The following COL21A1 variants were observed in gnomAD, a reference collection of about 807,000 sequenced individuals.
The protein encoded by COL21A1 is collagen type XXI alpha 1 chain, also known as collagen alpha-1(XXI) chain.
COL21A1 carries 149 observed loss-of-function variants against 137.9 expected under a neutral mutation model. The ratio of observed to expected loss-of-function variants is 1.08; its 90% confidence interval spans 0.95 to 1.24. The LOEUF (loss-of-function observed/expected upper bound fraction) is 1.24. COL21A1 is among the 50% of genes most tolerant of loss of function. The pLI is 0.00. For missense variants in COL21A1, 1,167 were observed against 1,158.4 expected (o/e 1.01, Z -0.11); for synonymous variants, 456 against 391.5 (o/e 1.16, Z -1.95).
intron 1 of COL21A1, among the ~76,000 whole-genome samples, chr6:56,219,176 C>T (rs1780667876): frequency 7.0e-6 from 1 of 142,736 alleles, no homozygotes; most frequent in South Asian, 2.2e-4. Flanking sequence ...TTGAGCCAAG[C>T]CCAGAAGCTC....
At chr6:56,152,945 C>T (rs1010001412) in intron 10 of COL21A1, among the ~76,000 whole-genome samples, 1 of 152,054 alleles carries the variant, frequency 6.6e-6, no homozygotes, top group Admixed American at 6.6e-5. Flanking sequence ...GCTAAGGAGG[C>T]TCACATTTAT....
intron 1 of COL21A1, among the ~76,000 whole-genome samples, chr6:56,271,619 A>G (rs2152332489): frequency 6.6e-6 from 1 of 152,360 alleles, no homozygotes; most frequent in South Asian, 2.1e-4. Flanking sequence ...TTAAGAGTCA[A>G]GAGAATGGGC....
chr6:56,226,733 T>C (rs1582686256), intron 1 of COL21A1, among the ~76,000 whole-genome samples: 2 of 152,118 alleles, frequency 1.3e-5, no homozygotes, highest in South Asian at 4.1e-4. Flanking sequence ...AGCACTGCAG[T>C]TTATATGAAA....
At chr6:56,167,678 A>G (rs922630838) in intron 6 of COL21A1, among the ~76,000 whole-genome samples, 1 of 152,202 alleles carries the variant, frequency 6.6e-6, no homozygotes, top group Non-Finnish European at 1.5e-5. Context: ...GTATAATTTG[A>G]ACATACCACA....
At chr6:56,096,004 G>A (rs967542567) in intron 17 of COL21A1, among the ~76,000 whole-genome samples, 10 of 151,796 alleles carry the variant, frequency 6.6e-5, no homozygotes, top group Admixed American at 1.3e-4. Context: ...CCACCACCAC[G>A]CCTGGCTGAT....
In COL21A1 at chr6:56,157,008, A is replaced by G; in HGVS notation, c.1372-59T>C. The G allele has an allele frequency of 3.3e-6, 4 of 1,200,086 alleles. 1 individual carries two copies. In the South Asian group the frequency reaches 5.3e-5, roughly 16 times the overall value. 74.3% of individuals were successfully genotyped at this position (1,200,086 alleles called of 1,614,324 possible). A position where few individuals can be genotyped will look rare whatever the true frequency, so the allele number is the denominator to read the frequency against. On this transcript the variant is annotated intron_variant, in intron 9 of 29. Transcript: ENST00000244728. The stretch of plus-strand genomic sequence containing the variant: ...AACAACCAGCCACATTGGTGCAGTC[A>G]GGATCAATAAAAGTTCAAAACCAAT...
intron 1 of COL21A1, among the ~76,000 whole-genome samples, chr6:56,338,477 T>G (rs2152344752): frequency 6.6e-6 from 1 of 152,216 alleles, no homozygotes; most frequent in East Asian, 1.9e-4. Flanking sequence ...ACCCTGGCCA[T>G]CTACCCCTCA....
At chr6:56,120,971 T>A (rs1344908818) in intron 16 of COL21A1, among the ~76,000 whole-genome samples, 1 of 152,080 alleles carries the variant, frequency 6.6e-6, no homozygotes, top group African/African-American at 2.4e-5. Flanking sequence ...TAAGTATCCA[T>A]CAACAGATGA....
intron 1 of COL21A1, among the ~76,000 whole-genome samples, chr6:56,209,136 G>A (rs62411866): frequency 0.073 from 11,061 of 151,668 alleles, 443 homozygotes; most frequent in Middle Eastern, 0.12. Flanking sequence ...AAGCCAAGAT[G>A]GATTAAAGAC....
intron 10 of COL21A1, among the ~76,000 whole-genome samples, chr6:56,147,363 T>G (rs915081971): frequency 2.0e-5 from 3 of 150,158 alleles, no homozygotes; most frequent in Admixed American, 6.7e-5. Context: ...GGTTGTTTTT[T>G]GCTTTTTTTT....
rs532083487 is a variant in COL21A1 at position 56,360,334 on chromosome 6, A to C, written c.-39+33637T>G. Among the ~76,000 whole-genome samples, 4 of 152,350 alleles carry C rather than the reference A, an allele frequency of 2.6e-5. No homozygotes were observed. In the East Asian group the frequency reaches 7.7e-4, roughly 29 times the overall value. On this transcript the variant is annotated intron_variant, in intron 1 of 28. Coordinates refer to the COL21A1 transcript ENST00000370819. The stretch of plus-strand genomic sequence containing the variant: ...ATTCAAAATTGCAAAGTCAGGGAGA[A>C]CAGATGCTAGACTCAGGGATGTGCA...
In COL21A1 at chr6:56,240,616, C is replaced by G. The variant is rs190416560; in HGVS notation, c.-39+6771G>C. On this transcript the variant is annotated intron_variant, in intron 1 of 29. Coordinates refer to ENST00000244728, the MANE Select transcript of COL21A1 (RefSeq NM_030820.4). ...ATATAGAGATGCTCTCAGATGCAAC[C>G]CTTTAGATGTTCCATGATGGCCTAT... Among the ~76,000 whole-genome samples, 4 of 152,180 alleles carry G rather than the reference C, an allele frequency of 2.6e-5. No individual in the cohort carries two copies. In the East Asian group the frequency reaches 7.7e-4, roughly 29 times the overall value.
In COL21A1 at chr6:56,060,169, A is replaced by G; in HGVS notation, c.2457T>C (p.His819=). Residue 819 remains histidine, a synonymous_variant, in exon 28 of 30, where the codon CAT becomes CAC. Transcript: ENST00000244728. Reference sequence around the variant, plus strand: ...CCGGGGAGCCATGTTGGGACAGGCAATGATCACAATTTCTAATTCTTCCAC... The same window carrying G: ...CCGGGGAGCCATGTTGGGACAGGCAGTGATCACAATTTCTAATTCTTCCAC... ...LQSGRIRNCD[H]CLSQHGSPGI... is the part of the protein sequence containing the mutation. 5.0e-6 allele frequency: 8 copies of G among 1,609,682 alleles called. No homozygotes were observed. Among genetic ancestry groups the G allele is most frequent in the Middle Eastern group, 1.7e-4 (1 of 6,044 alleles).
At chr6:56,339,059 C>T (rs545600889) in intron 1 of COL21A1, among the ~76,000 whole-genome samples, 10 of 152,168 alleles carry the variant, frequency 6.6e-5, no homozygotes, top group Non-Finnish European at 1.0e-4. Flanking sequence ...TAGCATATTA[C>T]ATATTAGCCA....
intron 1 of COL21A1, among the ~76,000 whole-genome samples, chr6:56,190,146 A>G (rs1482916330): frequency 6.6e-6 from 1 of 152,204 alleles, no homozygotes; most frequent in Non-Finnish European, 1.5e-5. Context: ...AAATCAATGA[A>G]TCCAGGAGCT....
At chr6:56,119,320 T>C (rs754324044) in intron 16 of COL21A1, among the ~76,000 whole-genome samples, 26 of 151,882 alleles carry the variant, frequency 1.7e-4, no homozygotes, top group Non-Finnish European at 3.5e-4. Flanking sequence ...GTAATCCCAT[T>C]TACAATAGTC....
intron 9 of COL21A1, among the ~76,000 whole-genome samples, chr6:56,160,636 A>G (rs574983751): frequency 6.6e-6 from 1 of 152,352 alleles, no homozygotes; most frequent in East Asian, 1.9e-4. Context: ...GAGTTTTCAA[A>G]AATATGTACT....
chr6:56,115,831 T>C (rs780532635), intron 16 of COL21A1, among the ~76,000 whole-genome samples: 3 of 152,028 alleles, frequency 2.0e-5, no homozygotes, highest in South Asian at 2.1e-4. Flanking sequence ...GAAATTGAAA[T>C]AATTACAAAG....
intron 3 of COL21A1, among the ~76,000 whole-genome samples, chr6:56,174,286 A>T (rs1322944369): frequency 6.6e-6 from 1 of 152,118 alleles, no homozygotes; most frequent in Non-Finnish European, 1.5e-5. Context: ...GAAAAAAAAG[A>T]CAAACTAAGC....
Sources: allele counts gnomAD v4.1 joint callset (sites outside exome capture counted in the v4.1 genomes callset), GRCh38; gene constraint gnomAD v4.1.1; transcripts MANE v1.5; gene names NCBI Gene and HGNC (gene_info 2026-07-23, HGNC 2026-07-21).